LDHA: variants seen among roughly 807,000 people sequenced by gnomAD.
LDHA encodes L-lactate dehydrogenase A chain.
In LDHA, 10 loss-of-function variants were observed where a neutral mutation model predicts 36.3. The observed-to-expected ratio is 0.28, with a 90% CI of 0.17 to 0.47. LDHA has a LOEUF of 0.47. LDHA is among the 20% of genes least tolerant of loss of function. The pLI, the probability that LDHA is intolerant of heterozygous loss-of-function variation, is 0.99. For missense variants in LDHA, 267 were observed against 405.8 expected, an observed-to-expected ratio of 0.66 and a Z score of 2.94; for synonymous variants, 110 against 136.7, an observed-to-expected ratio of 0.80 and a Z score of 1.36.
At chr11:18,403,453 A>G (rs954297995) in intron 5 of LDHA, among the ~76,000 whole-genome samples, 1 of 152,212 alleles carries the variant, frequency 6.6e-6, no homozygotes, top group African/African-American at 2.4e-5. Flanking sequence ...TCAAATATAC[A>G]TGGGTTAAAC....
In LDHA at chr11:18,401,295, G is replaced by A. The variant is rs554613809; in HGVS notation, c.418+285G>A. On this transcript the variant is annotated intron_variant, in intron 4 of 7. Coordinates refer to ENST00000422447, the MANE Select transcript of LDHA (RefSeq NM_005566.4). Reference sequence around the variant, plus strand: ...CTCTCAAGTAGCTGGGATTATAAGCGCCTGCCACCACACATGGCTAATTTT... The same window carrying A: ...CTCTCAAGTAGCTGGGATTATAAGCACCTGCCACCACACATGGCTAATTTT... Among the ~76,000 whole-genome samples the A allele has an allele frequency of 1.7e-3, 255 of 149,802 alleles. 1 individual carries two copies. Among genetic ancestry groups the A allele is most frequent in the Middle Eastern group, 6.9e-3 (2 of 290 alleles).
intron 2 of LDHA, among the ~76,000 whole-genome samples, chr11:18,397,987 C>T (rs1830426): frequency 0.65 from 98,961 of 151,988 alleles, 33,247 homozygotes; most frequent in South Asian, 0.76. Context: ...CCACATAATA[C>T]ACCAACTTTT....
intron 1 of LDHA, chr11:18,395,194 T>C (rs1866252192): frequency 6.2e-6 from 1 of 161,964 alleles, no homozygotes; most frequent in Non-Finnish European, 1.4e-5. Flanking sequence ...AAGAAGCTAC[T>C]GGTGTATCTC....
At chr11:18,402,276 T>C (rs1866536067) in intron 4 of LDHA, among the ~76,000 whole-genome samples, 1 of 151,870 alleles carries the variant, frequency 6.6e-6, no homozygotes, top group African/African-American at 2.4e-5. Context: ...TCTTAGTTGA[T>C]AAACAGTTTA....
At chr11:18,395,896 G>A (rs1590210866) in intron 1 of LDHA, among the ~76,000 whole-genome samples, 1 of 152,168 alleles carries the variant, frequency 6.6e-6, no homozygotes, top group African/African-American at 2.4e-5. Flanking sequence ...CAAGGATCAC[G>A]GCCGAAGCCA....
At chr11:18,399,405 T>G (rs1052006108) in intron 2 of LDHA, 26 bp from the exon 3 acceptor site, 1 of 1,522,122 alleles carries the variant, frequency 6.6e-7, no homozygotes, top group Non-Finnish European at 9.1e-7. Flanking sequence ...AATTTTCCAT[T>G]TAACTAAAGA....
At chr11:18,406,947 G>A (rs566202281) in intron 7 of LDHA, among the ~76,000 whole-genome samples, 170 bp from the exon 8 acceptor site, 3 of 150,526 alleles carry the variant, frequency 2.0e-5, no homozygotes, top group Non-Finnish European at 3.0e-5. Context: ...TGGAGGTTGC[G>A]GTGAGCTGAG....
rs1044382929 is a variant in LDHA at position 18,399,222 on chromosome 11, AG to A, written c.127-206del. 5.7e-6 allele frequency: 3 copies of A among 525,882 alleles called. No homozygotes were observed. In the African/African-American group the frequency reaches 5.8e-5, roughly 10 times the overall value. 32.6% of individuals were successfully genotyped at this position (525,882 alleles called of 1,614,324 possible). On this transcript the variant is annotated intron_variant, in intron 2 of 7. Transcript: ENST00000422447. ...ATAGAGCTCGCTTCAGTGGGGAGAC[AG>A]GGCTGGAGAGAGGGTCAGTGCTATC... is the stretch of plus-strand genomic sequence containing the variant.
At chr11:18,403,071 C>A in intron 5 of LDHA, 58 bp downstream of exon 5, 1 of 1,419,708 alleles carries the variant, frequency 7.0e-7, no homozygotes, top group South Asian at 1.2e-5. Context: ...AGTCGATGGG[C>A]ATTATATTAT....
chr11:18,403,073 T>TTA (rs1866561781), intron 5 of LDHA, 60 bp downstream of exon 5: 2 of 1,410,770 alleles, frequency 1.4e-6, no homozygotes, highest in Admixed American at 1.7e-5. Flanking sequence ...TCGATGGGCA[T>TTA]TATATTATTC....
chr11:18,397,675 G>A (rs1200032643), intron 2 of LDHA, among the ~76,000 whole-genome samples: 2 of 152,062 alleles, frequency 1.3e-5, no homozygotes, highest in African/African-American at 4.8e-5. Flanking sequence ...GCCGGGCGTG[G>A]TGGCATACGC....
At chr11:18,394,959 G>A (rs34692667) in intron 1 of LDHA, 3,064 of 286,670 alleles carry the variant, frequency 0.011, 23 homozygotes, top group Non-Finnish European at 0.017. Context: ...TTAAGGGTGG[G>A]GGATACCTCT....
rs1403530219 is a variant in LDHA at position 18,407,823 on chromosome 11, A to T, written c.*542A>T. 2.2e-6 allele frequency: 1 copy of T among 454,556 alleles called. No individual in the cohort carries two copies. Among genetic ancestry groups the T allele is most frequent in the Non-Finnish European group, 4.4e-6 (1 of 227,266 alleles). 28.2% of individuals were successfully genotyped at this position (454,556 alleles called of 1,614,324 possible). A position where few individuals can be genotyped will look rare whatever the true frequency, so the allele number is the denominator to read the frequency against. On this transcript the variant is annotated 3_prime_UTR_variant, in exon 8 of 8. Coordinates refer to ENST00000422447, the MANE Select transcript of LDHA (RefSeq NM_005566.4). The stretch of plus-strand genomic sequence containing the variant: ...CTATCCAAGTGTTATACCAACTAAA[A>T]CCCCCAATAAACCTTGAACAGTGAC...
rs1295206262 is a variant in LDHA at position 18,399,735 on chromosome 11, A to G, written c.244+187A>G. Reference sequence around the variant, plus strand: ...TCCCCCTCACAAAGAAACTGGGACTATAGGGTATGCTACCATGCCCGGCTA... The same window carrying G: ...TCCCCCTCACAAAGAAACTGGGACTGTAGGGTATGCTACCATGCCCGGCTA... On this transcript the variant is annotated intron_variant, in intron 3 of 7. Transcript: ENST00000422447. 5 of 610,722 alleles carry G rather than the reference A, an allele frequency of 8.2e-6. No individual in the cohort carries two copies. In the East Asian group the frequency reaches 1.2e-4, roughly 15 times the overall value. 37.8% of individuals were successfully genotyped at this position (610,722 alleles called of 1,614,324 possible). A position where few individuals can be genotyped will look rare whatever the true frequency, so the allele number is the denominator to read the frequency against.
At chr11:18,405,100 T>G (rs1866636981) in intron 6 of LDHA, among the ~76,000 whole-genome samples, 1 of 152,226 alleles carries the variant, frequency 6.6e-6, no homozygotes, top group Admixed American at 6.6e-5. Context: ...GATTTCTTTT[T>G]AAAATTCAAT....
intron 1 of LDHA, 106 bp from the exon 2 acceptor site, chr11:18,396,713 T>A: frequency 7.2e-7 from 1 of 1,382,744 alleles, no homozygotes; most frequent in Non-Finnish European, 9.8e-7. Context: ...CTCTAGTGAT[T>A]TATAGTGGCA....
At chr11:18,402,708 T>C (rs989752213) in intron 4 of LDHA, 132 bp from the exon 5 acceptor site, 3 of 740,906 alleles carry the variant, frequency 4.0e-6, no homozygotes, top group African/African-American at 1.7e-5. Flanking sequence ...TGAAAAGCCA[T>C]ATATCTGGAG....
chr11:18,405,248 G>GT (rs1336054884), intron 6 of LDHA, among the ~76,000 whole-genome samples: 1 of 152,092 alleles, frequency 6.6e-6, no homozygotes, highest in African/African-American at 2.4e-5. Context: ...AGATTGTCAT[G>GT]TTTTTGCTGT....
At chr11:18,394,761 T>G (rs1307290362) in intron 1 of LDHA, 125 bp downstream of exon 1, 1 of 431,182 alleles carries the variant, frequency 2.3e-6, no homozygotes, top group African/African-American at 2.0e-5. Flanking sequence ...GGAGCCGCTT[T>G]CCAGAAGCAC....
Sources: allele counts gnomAD v4.1 joint callset (sites outside exome capture counted in the v4.1 genomes callset), GRCh38; gene constraint gnomAD v4.1.1; transcripts MANE v1.5; gene names NCBI Gene and HGNC (gene_info 2026-07-23, HGNC 2026-07-21).